The following USPL1 variants were observed in gnomAD, a reference collection of about 807,000 sequenced individuals.
USPL1 encodes ubiquitin specific peptidase like 1.
Under a neutral mutation model 51.5 loss-of-function variants are expected in USPL1, and 27 were observed. That is an observed-to-expected ratio of 0.52 (90% CI 0.39 to 0.72). The LOEUF is 0.72. USPL1 is among the 30% of genes least tolerant of loss of function. The pLI is 0.00. For synonymous variants in USPL1, 451 were observed against 459.6 expected (o/e 0.98, Z 0.24); for missense variants, 1,226 against 1,268.0 (o/e 0.97, Z 0.50).
At chr13:30,618,559 GGGT>G (rs1239143080) in intron 1 of USPL1, among the ~76,000 whole-genome samples, 5 of 152,074 alleles carry the variant, frequency 3.3e-5, no homozygotes, top group Admixed American at 6.5e-5. Flanking sequence ...CTGTTTCCCT[GGGT>G]TTCTCCATTT....
chr13:30,640,270 C>T (rs1273439592), intron 5 of USPL1, among the ~76,000 whole-genome samples: 2 of 152,038 alleles, frequency 1.3e-5, no homozygotes, highest in African/African-American at 2.4e-5. Flanking sequence ...CAATAGAATA[C>T]GGATTTAAAG....
rs189370297 is a variant in USPL1, at chr13:30,658,527, A to G, written c.2450A>G (p.Lys817Arg). 1 of 1,614,114 alleles carries G rather than the reference A, an allele frequency of 6.2e-7. No individual in the cohort carries two copies. Among genetic ancestry groups the G allele is most frequent in the South Asian group, 1.1e-5 (1 of 91,088 alleles). ...AGCCACGTATCCAAGAAAGCTCGTA[A>G]GAGTGCAAGTAAGCCTCCTCCCATC... ...KASHVSKKAR[K>R]SASKPPPISK... The change falls in exon 9 of 9, where the codon AAG becomes AGG. Residue 817 changes from lysine (K) to arginine (R), a missense_variant. Coordinates refer to ENST00000255304, the MANE Select transcript of USPL1 (RefSeq NM_005800.5).
intron 3 of USPL1, among the ~76,000 whole-genome samples, chr13:30,627,515 G>C (rs1021039151): frequency 3.4e-5 from 4 of 117,456 alleles, no homozygotes; most frequent in Admixed American, 2.5e-4. Context: ...GTTTATTACT[G>C]TTTTGTTCTT....
Position 30,621,144 on chromosome 13 carries a change from A to G in USPL1, c.4A>G (p.Met2Val). 1 of 1,604,810 alleles carries G rather than the reference A, an allele frequency of 6.2e-7. No homozygotes were observed. The highest frequency in any genetic ancestry group is 1.1e-5 in the South Asian group (1 of 88,048). Reference sequence around the variant, plus strand: ...ATAAATTAGCCAATGACTCGGAATGATGGATTCTCCGAAGATTGGAAATGG... The same window carrying G: ...ATAAATTAGCCAATGACTCGGAATGGTGGATTCTCCGAAGATTGGAAATGG... MMDSPKIGNGLP... is the reference protein window; with the variant it reads MVDSPKIGNGLP... The change falls in exon 2 of 9, where the codon ATG becomes GTG. Residue 2 changes from methionine to valine, a missense_variant. Transcript: ENST00000255304.
chr13:30,642,633 A>G lies in USPL1; in HGVS notation c.988A>G (p.Met330Val). Residue 330 changes from methionine (M) to valine (V), a missense_variant, in exon 6 of 9, where the codon ATG becomes GTG. By Grantham distance (21) the Met-to-Val change is conservative (BLOSUM62 1). Coordinates refer to ENST00000255304, the MANE Select transcript of USPL1 (RefSeq NM_005800.5). ...TCTTCCTTTTCTTTTTGAAGGTGAT[A>G]TGGAAAGCCCTGTGTTTGCATTTCC... ...QPQLRCTLGDMESPVFAFPLL... is the reference protein window; with the variant it reads ...QPQLRCTLGDVESPVFAFPLL... 1.9e-6 allele frequency: 3 copies of G among 1,607,932 alleles called. No homozygotes were observed. Among genetic ancestry groups the G allele is most frequent in the Non-Finnish European group, 2.5e-6 (3 of 1,178,402 alleles).
At chr13:30,619,576 A>T (rs1429301957) in intron 1 of USPL1, among the ~76,000 whole-genome samples, 1 of 152,230 alleles carries the variant, frequency 6.6e-6, no homozygotes, top group Non-Finnish European at 1.5e-5. Flanking sequence ...TACGACGTGT[A>T]CTGCTTCTCT....
intron 3 of USPL1, among the ~76,000 whole-genome samples, chr13:30,623,662 G>A (rs182124041): frequency 3.7e-4 from 56 of 152,292 alleles, no homozygotes; most frequent in Admixed American, 7.8e-4. Context: ...GGATGGAGCC[G>A]TAGATAGCCT....
chr13:30,658,844 G>GT lies in USPL1; in HGVS notation c.2768dup (p.Pro924AlafsTer8). Reference sequence around the variant, plus strand: ...AGTTCGAAGTGAAAATCTAGAACAGGTGCCCCAGGATGGGTCTCCAAATGA... The same window carrying GT: ...AGTTCGAAGTGAAAATCTAGAACAGGTTGCCCCAGGATGGGTCTCCAAATGA... On this transcript the variant is annotated frameshift_variant, in exon 9 of 9. Coordinates refer to ENST00000255304, the MANE Select transcript of USPL1 (RefSeq NM_005800.5). LOFTEE classifies it low-confidence loss of function (END_TRUNC). The GT allele has an allele frequency of 6.2e-7, 1 of 1,613,906 alleles. No homozygotes were observed. Among genetic ancestry groups the GT allele is most frequent in the Non-Finnish European group, 8.5e-7 (1 of 1,180,040 alleles).
intron 8 of USPL1, 90 bp from the exon 9 acceptor site, chr13:30,657,384 A>G: frequency 7.6e-7 from 1 of 1,323,988 alleles, no homozygotes. Flanking sequence ...GTCGGTATTC[A>G]ATGATACAAC....
intron 4 of USPL1, among the ~76,000 whole-genome samples, chr13:30,635,553 A>T (rs1243340142): frequency 6.6e-6 from 1 of 152,214 alleles, no homozygotes; most frequent in Non-Finnish European, 1.5e-5. Flanking sequence ...GTAGGGCAAG[A>T]ATCCTCACTT....
chr13:30,648,211 C>T (rs12583256), intron 7 of USPL1, among the ~76,000 whole-genome samples: 2 of 152,122 alleles, frequency 1.3e-5, no homozygotes, highest in East Asian at 3.8e-4. Flanking sequence ...CTTATTTTTC[C>T]GGGAATTGTT....
chr13:30,654,416 T>G (rs1328662162), intron 8 of USPL1, among the ~76,000 whole-genome samples: 1 of 152,006 alleles, frequency 6.6e-6, no homozygotes, highest in African/African-American at 2.4e-5. Context: ...CTTTTTTTTT[T>G]GAGACAGCAT....
Position 30,630,998 on chromosome 13 carries a change from T to C in USPL1, c.392T>C (p.Ile131Thr). 3.7e-6 allele frequency: 6 copies of C among 1,614,100 alleles called. No individual in the cohort carries two copies. Among genetic ancestry groups the C allele is most frequent in the Non-Finnish European group, 5.1e-6 (6 of 1,180,018 alleles). Residue 131 changes from isoleucine to threonine, a missense_variant, in exon 4 of 9, where the codon ATT (isoleucine) becomes ACT (threonine). By Grantham distance (89) the Ile-to-Thr change is moderately conservative. Transcript: ENST00000255304. ...AAAAAGACTAGAAATTATATTGCTA[T>C]TGACGGTGGAAAAGTTTTGAACAGC... ...NSKKTRNYIA[I>T]DGGKVLNSKH...
intron 4 of USPL1, among the ~76,000 whole-genome samples, chr13:30,635,192 G>A (rs1950859520): frequency 6.6e-6 from 1 of 152,150 alleles, no homozygotes; most frequent in Admixed American, 6.6e-5. Flanking sequence ...TTCATTTGGA[G>A]CTAGTAATGT....
Position 30,621,220 on chromosome 13 carries a change from TG to T in USPL1, c.82del (p.Val28TrpfsTer28). 2 of 1,592,866 alleles carry T rather than the reference TG, an allele frequency of 1.3e-6. No individual in the cohort carries two copies. The highest frequency in any genetic ancestry group is 2.4e-5 in the South Asian group (2 of 85,008). ...GTDIGISSLH[M>X]VGYLGKNFDS... is the part of the protein sequence containing the mutation. ...GATATAGGGATATCTTCACTCCACATGGTGGGGTATTTGGGAAAAGTTAGTG... is the reference window on the plus strand; with the variant it reads ...GATATAGGGATATCTTCACTCCACATGTGGGGTATTTGGGAAAAGTTAGTG... On this transcript the variant is annotated frameshift_variant, in exon 2 of 9. Coordinates refer to ENST00000255304, the MANE Select transcript of USPL1 (RefSeq NM_005800.5). LOFTEE classifies it high-confidence loss of function.
At chr13:30,622,160 G>A (rs1472248140) in intron 3 of USPL1, among the ~76,000 whole-genome samples, 1 of 151,748 alleles carries the variant, frequency 6.6e-6, no homozygotes, top group African/African-American at 2.4e-5. Flanking sequence ...ACCTTTTGGA[G>A]GTCCTTGTTA....
At chr13:30,653,471 T>C (rs1428241897) in intron 8 of USPL1, among the ~76,000 whole-genome samples, 166 bp downstream of exon 8, 1 of 152,234 alleles carries the variant, frequency 6.6e-6, no homozygotes, top group Non-Finnish European at 1.5e-5. Flanking sequence ...CTATTAAAAG[T>C]GATGGTTTTA....
At chr13:30,621,937 TC>T (rs947016757) in intron 3 of USPL1, 45 bp downstream of exon 3, 14 of 1,266,534 alleles carry the variant, frequency 1.1e-5, no homozygotes, top group Non-Finnish European at 8.2e-6. Flanking sequence ...TTTTCTTTTT[TC>T]TTTTGCTTTT....
intron 8 of USPL1, 69 bp from the exon 9 acceptor site, chr13:30,657,405 G>T: frequency 2.7e-6 from 4 of 1,465,956 alleles, no homozygotes; most frequent in Non-Finnish European, 3.7e-6. Context: ...AGTTGAAAAG[G>T]CCAGAAGAAA....
Sources: gnomAD v4.1 joint callset for allele counts (sites outside exome capture counted in the v4.1 genomes callset) on GRCh38, gnomAD v4.1.1 for gene constraint, MANE v1.5 for transcripts, NCBI Gene and HGNC (gene_info 2026-07-23, HGNC 2026-07-21) for gene names.